SPOCK1: variants seen among roughly 807,000 people sequenced by gnomAD.
SPOCK1 encodes the protein SPARC (osteonectin), cwcv and kazal like domains proteoglycan 1, also known as testican-1.
In SPOCK1, 23 loss-of-function variants were observed where a neutral mutation model predicts 55.3. The observed-to-expected ratio is 0.42, with a 90% CI of 0.30 to 0.59. The LOEUF is 0.59. SPOCK1 is among the 20% of genes least tolerant of loss of function. The probability of loss-of-function intolerance (pLI) is 0.22; values close to 1 mark genes in which losing one functional copy is unlikely to be tolerated. For synonymous variants in SPOCK1, 226 were observed against 221.0 expected (o/e 1.02, Z -0.20); for missense variants, 499 against 552.5 (o/e 0.90, Z 0.97).
chr5:137,338,642 A>C (rs1168443049), intron 2 of SPOCK1, among the ~76,000 whole-genome samples: 2 of 151,658 alleles, frequency 1.3e-5, no homozygotes, highest in East Asian at 3.9e-4. Context: ...CCAACAGTGT[A>C]AAAGTGTTCC....
intron 2 of SPOCK1, among the ~76,000 whole-genome samples, chr5:137,422,746 T>C (rs1393021707): frequency 1.3e-5 from 2 of 152,200 alleles, no homozygotes; most frequent in Non-Finnish European, 2.9e-5. Context: ...TCCTTTAGCT[T>C]GGAGTAGTTT....
At chr5:137,161,213 G>T (rs988459016) in intron 3 of SPOCK1, among the ~76,000 whole-genome samples, 6 of 150,668 alleles carry the variant, frequency 4.0e-5, no homozygotes, top group Non-Finnish European at 7.4e-5. Context: ...ATACTTCAAA[G>T]AATATCAACA....
chr5:137,158,379 C>A (rs966259288), intron 3 of SPOCK1, among the ~76,000 whole-genome samples: 28 of 152,290 alleles, frequency 1.8e-4, no homozygotes, highest in Non-Finnish European at 3.4e-4. Context: ...CTTCCTGTGA[C>A]AATTGAGTCA....
At chr5:137,299,084 T>C (rs1285475039) in intron 2 of SPOCK1, among the ~76,000 whole-genome samples, 1 of 152,182 alleles carries the variant, frequency 6.6e-6, no homozygotes, top group African/African-American at 2.4e-5. Flanking sequence ...TTTAATCGAA[T>C]ATTTTTAGCA....
chr5:137,248,906 G>A (rs1756453331), intron 3 of SPOCK1, among the ~76,000 whole-genome samples: 1 of 152,190 alleles, frequency 6.6e-6, no homozygotes, highest in Non-Finnish European at 1.5e-5. Context: ...TGGCCAAGGA[G>A]GCCCAGAAAA....
chr5:137,337,130 C>A (rs1750297838), intron 2 of SPOCK1, among the ~76,000 whole-genome samples: 1 of 152,258 alleles, frequency 6.6e-6, no homozygotes, highest in African/African-American at 2.4e-5. Flanking sequence ...GGGTAGCTAC[C>A]TTTTGCAAAA....
chr5:137,292,488 C>T (rs1580850323), intron 2 of SPOCK1, among the ~76,000 whole-genome samples: 1 of 125,512 alleles, frequency 8.0e-6, no homozygotes, highest in South Asian at 2.9e-4. Context: ...GGAGCCAGAC[C>T]AAAATGCTGG....
rs935901534 is a variant in SPOCK1, at chr5:136,977,009, G to T, written c.*1645C>A. ...AGTTTATGTGGCTTTTGTGTGGACAGGCTGAAGTTCATGGGGGAAGGCAAG... is the reference window on the plus strand; with the variant it reads ...AGTTTATGTGGCTTTTGTGTGGACATGCTGAAGTTCATGGGGGAAGGCAAG... On this transcript the variant is annotated 3_prime_UTR_variant, in exon 11 of 11. Coordinates refer to ENST00000394945, the MANE Select transcript of SPOCK1 (RefSeq NM_004598.4). 4 of 152,258 alleles carry T rather than the reference G, an allele frequency of 2.6e-5. No homozygotes were observed. Among genetic ancestry groups the T allele is most frequent in the African/African-American group, 9.7e-5 (4 of 41,442 alleles). The allele number at this position is 152,258 out of a possible 1,614,324, so 9.4% of individuals were successfully genotyped here.
intron 3 of SPOCK1, among the ~76,000 whole-genome samples, chr5:137,246,381 T>C (rs925206490): frequency 6.6e-6 from 1 of 152,148 alleles, no homozygotes; most frequent in African/African-American, 2.4e-5. Flanking sequence ...GGATATGACA[T>C]TTCCTTCTAT....
In SPOCK1 at chr5:137,229,297, G is replaced by A. The variant is rs543366095; in HGVS notation, c.232+37713C>T. Among the ~76,000 whole-genome samples the A allele has an allele frequency of 9.8e-5, 15 of 152,286 alleles. No homozygotes were observed. The East Asian group carries it at 1.5e-3, about 16-fold the overall frequency. ...TTGGGACATGTGAATGCATGTGAAG[G>A]AAACTCAATGTGAACTAGCTCAGCC... is the stretch of plus-strand genomic sequence containing the variant. On this transcript the variant is annotated intron_variant, in intron 3 of 10. Transcript: ENST00000394945.
intron 3 of SPOCK1, among the ~76,000 whole-genome samples, chr5:137,154,960 A>G (rs996201199): frequency 2.0e-5 from 3 of 152,198 alleles, no homozygotes; most frequent in African/African-American, 4.8e-5. Flanking sequence ...AGCCAGTTCC[A>G]AATCTGAGCT....
chr5:137,030,435 G>A (rs953040413), intron 6 of SPOCK1, among the ~76,000 whole-genome samples: 7 of 152,182 alleles, frequency 4.6e-5, no homozygotes, highest in Admixed American at 1.3e-4. Context: ...TACAAAGGAC[G>A]CAAATGGCAA....
At chr5:137,423,192 C>A (rs1752538807) in intron 2 of SPOCK1, among the ~76,000 whole-genome samples, 1 of 152,164 alleles carries the variant, frequency 6.6e-6, no homozygotes, top group Non-Finnish European at 1.5e-5. Flanking sequence ...TCAGTCTGCC[C>A]CTACTGGGGG....
chr5:137,164,825 G>A (rs1386318043), intron 3 of SPOCK1, among the ~76,000 whole-genome samples: 1 of 152,192 alleles, frequency 6.6e-6, no homozygotes, highest in African/African-American at 2.4e-5. Context: ...GGGTGAGGCT[G>A]TTCTACCTTT....
chr5:137,061,335 A>G (rs1752390626), intron 6 of SPOCK1, among the ~76,000 whole-genome samples: 1 of 152,094 alleles, frequency 6.6e-6, no homozygotes, highest in African/African-American at 2.4e-5. Flanking sequence ...CCACGTTTCC[A>G]GCTCCACTTG....
chr5:137,018,412 T>C (rs182438119), intron 6 of SPOCK1, among the ~76,000 whole-genome samples: 8 of 152,310 alleles, frequency 5.3e-5, no homozygotes, highest in Admixed American at 2.0e-4. Flanking sequence ...TTACCCTGCA[T>C]ATATTAATAG....
rs770326161 is a variant in SPOCK1 at position 137,339,560 on chromosome 5, C to T, written c.187-72505G>A. Among the ~76,000 whole-genome samples, 47 of 152,138 alleles carry T rather than the reference C, an allele frequency of 3.1e-4. 1 individual carries two copies. The highest frequency in any genetic ancestry group is 7.3e-5 in the Non-Finnish European group (5 of 68,028). On this transcript the variant is annotated intron_variant, in intron 2 of 10. Coordinates refer to ENST00000394945, the MANE Select transcript of SPOCK1 (RefSeq NM_004598.4). ...TTCCAATGGCATTTATGAGCCTCCGCATCAAGCTAAACCTAAAACCAGAAC... is the reference window on the plus strand; with the variant it reads ...TTCCAATGGCATTTATGAGCCTCCGTATCAAGCTAAACCTAAAACCAGAAC...
intron 3 of SPOCK1, among the ~76,000 whole-genome samples, chr5:137,202,060 G>C (rs1047401573): frequency 6.6e-6 from 1 of 152,228 alleles, no homozygotes; most frequent in Admixed American, 6.5e-5. Context: ...AGCCTGCTAA[G>C]GAACAATACG....
chr5:137,270,043 G>A (rs1756930529), intron 2 of SPOCK1, among the ~76,000 whole-genome samples: 1 of 152,220 alleles, frequency 6.6e-6, no homozygotes, highest in African/African-American at 2.4e-5. Flanking sequence ...CTGGGAAGTA[G>A]TGTGTCTGCC....
Sources: gnomAD v4.1 joint callset for allele counts (sites outside exome capture counted in the v4.1 genomes callset) on GRCh38, gnomAD v4.1.1 for gene constraint, MANE v1.5 for transcripts, NCBI Gene and HGNC (gene_info 2026-07-23, HGNC 2026-07-21) for gene names.